KIF18A: variants seen among roughly 807,000 people sequenced by gnomAD.
KIF18A encodes the protein kinesin-like protein KIF18A.
A neutral mutation model predicts 103.3 loss-of-function variants in KIF18A; 67 were observed. That is an observed-to-expected ratio of 0.65 (90% CI 0.53 to 0.79). KIF18A has a LOEUF of 0.79. Among genes scored for constraint, KIF18A ranks in the 30% least tolerant of loss-of-function variants. The probability of loss-of-function intolerance (pLI) is 0.00; values close to 1 mark genes in which losing one functional copy is unlikely to be tolerated. For synonymous variants in KIF18A, 367 were observed against 355.5 expected (o/e 1.03, Z -0.36); for missense variants, 1,032 against 1,062.5 (o/e 0.97, Z 0.40).
At chr11:28,040,929 A>G (rs1850551267) in intron 13 of KIF18A, among the ~76,000 whole-genome samples, 1 of 151,850 alleles carries the variant, frequency 6.6e-6, no homozygotes, top group Admixed American at 6.6e-5. Flanking sequence ...TTTATGCCCA[A>G]ATAATAACAG....
chr11:28,053,570 T>G (rs1023038293), intron 13 of KIF18A, among the ~76,000 whole-genome samples: 8 of 152,272 alleles, frequency 5.3e-5, no homozygotes, highest in African/African-American at 1.7e-4. Flanking sequence ...TAGTTACATA[T>G]GTATACATGT....
chr11:28,086,970 C>T (rs1360087549), intron 6 of KIF18A, among the ~76,000 whole-genome samples: 3 of 151,594 alleles, frequency 2.0e-5, no homozygotes, highest in Admixed American at 1.3e-4. Context: ...CAGTAATTTG[C>T]CTTTTTTTAA....
chr11:28,064,242 C>T (rs7131379), intron 11 of KIF18A, among the ~76,000 whole-genome samples: 57,701 of 151,456 alleles, frequency 0.38, 12,642 homozygotes, highest in African/African-American at 0.61. Flanking sequence ...GGAGGCAGGA[C>T]GATACGGCTA....
chr11:28,073,931 A>G (rs563045792), intron 10 of KIF18A, among the ~76,000 whole-genome samples: 1 of 152,340 alleles, frequency 6.6e-6, no homozygotes, highest in South Asian at 2.1e-4. Context: ...CTTTTGTCAA[A>G]AAGTAAATCT....
intron 1 of KIF18A, among the ~76,000 whole-genome samples, chr11:28,099,408 T>A (rs2133567623): frequency 6.6e-6 from 1 of 152,154 alleles, no homozygotes; most frequent in South Asian, 2.1e-4. Context: ...GTTTTGGTGA[T>A]CTATTGCACA....
chr11:28,100,579 A>C (rs1025149374), intron 1 of KIF18A, among the ~76,000 whole-genome samples: 1 of 151,772 alleles, frequency 6.6e-6, no homozygotes, highest in Non-Finnish European at 1.5e-5. Context: ...GGTGGTGTCA[A>C]GATGTTTTGT....
Position 28,062,706 on chromosome 11 carries a change from A to G in KIF18A, c.1591-190T>C, listed in dbSNP as rs1850871340. 2.0e-5 allele frequency among the ~76,000 whole-genome samples: 3 copies of G among 152,226 alleles called. No homozygotes were observed. In the South Asian group the frequency reaches 6.2e-4, roughly 32 times the overall value. ...TAATTTACAAGCAAGATAAGTTTTC[A>G]TGTTTCCTCAGAAACTGAATGTTAG... On this transcript the variant is annotated intron_variant, in intron 11 of 16. Transcript: ENST00000263181.
chr11:28,032,902 A>G (rs1339615341), intron 15 of KIF18A, among the ~76,000 whole-genome samples: 1 of 151,898 alleles, frequency 6.6e-6, no homozygotes, highest in Non-Finnish European at 1.5e-5. Context: ...AAAGCAAAGG[A>G]AACAATCAAT....
intron 9 of KIF18A, among the ~76,000 whole-genome samples, chr11:28,080,624 T>C (rs1407133479): frequency 6.6e-6 from 1 of 152,134 alleles, no homozygotes; most frequent in Non-Finnish European, 1.5e-5. Flanking sequence ...ACGGCTCCAC[T>C]GACTGGCTGT....
chr11:28,067,006 T>C (rs1850940054), intron 11 of KIF18A, among the ~76,000 whole-genome samples: 1 of 151,858 alleles, frequency 6.6e-6, no homozygotes, highest in East Asian at 1.9e-4. Context: ...AAGCTCATAA[T>C]ATCTTAAATA....
At chr11:28,098,727 T>C (rs1191450871) in intron 1 of KIF18A, among the ~76,000 whole-genome samples, 1 of 152,176 alleles carries the variant, frequency 6.6e-6, no homozygotes, top group Non-Finnish European at 1.5e-5. Flanking sequence ...TTAAAAATTA[T>C]GGTCTGATTT....
chr11:28,030,356 G>A (rs1850378916), intron 15 of KIF18A, among the ~76,000 whole-genome samples: 1 of 151,778 alleles, frequency 6.6e-6, no homozygotes, highest in African/African-American at 2.4e-5. Flanking sequence ...GAACAGAACA[G>A]AGCCCTCAGA....
chr11:28,044,586 T>C (rs1029543035), intron 13 of KIF18A, among the ~76,000 whole-genome samples: 7 of 152,246 alleles, frequency 4.6e-5, no homozygotes, highest in African/African-American at 1.7e-4. Flanking sequence ...GCATTATGGC[T>C]AGAGATTCCC....
At chr11:28,106,119 T>C (rs1286198541) in intron 1 of KIF18A, among the ~76,000 whole-genome samples, 1 of 152,186 alleles carries the variant, frequency 6.6e-6, no homozygotes, top group Non-Finnish European at 1.5e-5. Flanking sequence ...TCAAAAGCAT[T>C]CAGATCATGT....
intron 10 of KIF18A, among the ~76,000 whole-genome samples, chr11:28,072,327 T>C (rs890149979): frequency 2.0e-5 from 3 of 152,168 alleles, no homozygotes; most frequent in Non-Finnish European, 4.4e-5. Context: ...AAAACAATCT[T>C]ACAGATTATT....
intron 3 of KIF18A, among the ~76,000 whole-genome samples, chr11:28,093,351 T>C (rs1339897526): frequency 6.6e-6 from 1 of 152,180 alleles, no homozygotes; most frequent in African/African-American, 2.4e-5. Context: ...ACATATATGA[T>C]TTTAATCAAT....
At position 28,091,456 on chromosome 11, in the gene KIF18A, C is replaced by G; in HGVS notation, c.541G>C (p.Glu181Gln). Residue 181 changes from glutamate (E) to glutamine (Q), a missense_variant, in exon 4 of 17, where the codon GAA becomes CAA. Coordinates refer to ENST00000263181, the MANE Select transcript of KIF18A (RefSeq NM_031217.4). ...ACGACCACCCCTTTTTGGGTATCTTCCCGGACAGCAAGTGGCCCTGAATTT... is the reference window on the plus strand; with the variant it reads ...ACGACCACCCCTTTTTGGGTATCTTGCCGGACAGCAAGTGGCCCTGAATTT... ...LVNSGPLAVR[E>Q]DTQKGVVVHG... The G allele has an allele frequency of 6.2e-7, 1 of 1,611,842 alleles. No homozygotes were observed. Among genetic ancestry groups the G allele is most frequent in the Non-Finnish European group, 8.5e-7 (1 of 1,178,392 alleles).
intron 15 of KIF18A, among the ~76,000 whole-genome samples, chr11:28,032,498 C>T (rs775908552): frequency 5.3e-5 from 8 of 151,720 alleles, no homozygotes; most frequent in African/African-American, 9.7e-5. Context: ...CAAAAAAGCA[C>T]GGGACTGGCA....
chr11:28,064,899 C>A (rs954549048), intron 11 of KIF18A, among the ~76,000 whole-genome samples: 2 of 152,008 alleles, frequency 1.3e-5, no homozygotes, highest in Non-Finnish European at 2.9e-5. Context: ...TATTCAGGTG[C>A]CAGACCATGC....
Sources: allele counts gnomAD v4.1 joint callset (sites outside exome capture counted in the v4.1 genomes callset), GRCh38; gene constraint gnomAD v4.1.1; transcripts MANE v1.5; gene names NCBI Gene and HGNC (gene_info 2026-07-23, HGNC 2026-07-21).